The following TENM2 variants were observed in gnomAD, a reference collection of about 807,000 sequenced individuals.
TENM2 encodes the protein teneurin transmembrane protein 2, also known as teneurin-2.
Under a neutral mutation model 245.2 loss-of-function variants are expected in TENM2, and 52 were observed. The ratio of observed to expected loss-of-function variants is 0.21; its 90% CI spans 0.17 to 0.27. The LOEUF (loss-of-function observed/expected upper bound fraction) is 0.27. TENM2 is among the 10% of genes least tolerant of loss of function. The probability of loss-of-function intolerance (pLI) is 1.00; values close to 1 mark genes in which losing one functional copy is unlikely to be tolerated. For missense variants in TENM2, 3,046 were observed against 3,666.8 expected (o/e 0.83, Z 4.37); for synonymous variants, 1,363 against 1,438.9 (o/e 0.95, Z 1.19).
chr5:167,174,425 T>C, the TENM2 span, among the ~76,000 whole-genome samples: 15 of 152,190 alleles, frequency 9.9e-5, no homozygotes, highest in African/African-American at 3.6e-4. Flanking sequence ...TGTTTTGACA[T>C]AGTATTAGCC....
intron 9 of TENM2, among the ~76,000 whole-genome samples, chr5:168,108,614 A>C (rs1794435878): frequency 6.6e-6 from 1 of 152,212 alleles, no homozygotes; most frequent in Admixed American, 6.5e-5. Flanking sequence ...ACTTAGAGAA[A>C]GTAAGCTACT....
the TENM2 span, among the ~76,000 whole-genome samples, chr5:167,008,980 A>G: frequency 6.6e-6 from 1 of 152,256 alleles, no homozygotes; most frequent in Admixed American, 6.5e-5. Context: ...GAGACATGAG[A>G]GGCAGAAATG....
chr5:167,637,204 T>C (rs1182273917), intron 2 of TENM2, among the ~76,000 whole-genome samples: 1 of 152,234 alleles, frequency 6.6e-6, no homozygotes. Context: ...TGTTGCTATC[T>C]GTATTTTAAT....
At chr5:167,934,158 T>C (rs1015239986) in intron 3 of TENM2, among the ~76,000 whole-genome samples, 4 of 152,210 alleles carry the variant, frequency 2.6e-5, no homozygotes, top group Admixed American at 6.5e-5. Flanking sequence ...ACAGCTTTCT[T>C]TGGTTAGGTT....
At chr5:167,688,097 G>A (rs1223007272) in intron 2 of TENM2, among the ~76,000 whole-genome samples, 2 of 152,076 alleles carry the variant, frequency 1.3e-5, no homozygotes, top group African/African-American at 2.4e-5. Context: ...ACTGAGGGAG[G>A]GATCAGTCAA....
intron 1 of TENM2, among the ~76,000 whole-genome samples, chr5:167,321,785 AT>A (rs1314778203): frequency 1.3e-3 from 80 of 62,806 alleles, no homozygotes; most frequent in African/African-American, 2.8e-3. Flanking sequence ...GCCTTGGCTT[AT>A]TTTTTTTTTT....
At chr5:167,130,756 G>T in the TENM2 span, among the ~76,000 whole-genome samples, 1 of 152,192 alleles carries the variant, frequency 6.6e-6, no homozygotes, top group South Asian at 2.1e-4. Flanking sequence ...CCTCCTTGGG[G>T]TCTCACACAT....
the TENM2 span, among the ~76,000 whole-genome samples, chr5:166,988,805 G>T: frequency 6.6e-6 from 1 of 152,120 alleles, no homozygotes; most frequent in Non-Finnish European, 1.5e-5. Context: ...GTGGCTGCTT[G>T]CACAATGCCT....
chr5:167,683,180 G>A (rs1756848253), intron 2 of TENM2, among the ~76,000 whole-genome samples: 1 of 151,070 alleles, frequency 6.6e-6, no homozygotes, highest in African/African-American at 2.4e-5. Flanking sequence ...TATTAATTGT[G>A]TACATTTGTT....
Position 168,247,761 on chromosome 5 carries a change from G to T in TENM2, c.6822G>T (p.Gly2274=), listed in dbSNP as rs1187572051. The change falls in exon 27 of 29, where the codon GGG becomes GGT. Residue 2274 remains glycine (G), a synonymous_variant. Coordinates refer to ENST00000518659, the Ensembl canonical transcript of TENM2. The surrounding 1 kb of genome is among the most constrained non-coding windows in gnomAD (Gnocchi z 7.8). Reference sequence around the variant, plus strand: ...ACGATGGCTATCTGTGCCAGAGAGGGTCTGACATCTTCGAATACAATTCCA... The same window carrying T: ...ACGATGGCTATCTGTGCCAGAGAGGTTCTGACATCTTCGAATACAATTCCA... 3.1e-6 allele frequency: 5 copies of T among 1,613,934 alleles called. No individual in the cohort carries two copies. Among genetic ancestry groups the T allele is most frequent in the Middle Eastern group, 1.6e-4 (1 of 6,062 alleles).
At chr5:167,858,328 T>A (rs1316380408) in intron 2 of TENM2, among the ~76,000 whole-genome samples, 1 of 152,264 alleles carries the variant, frequency 6.6e-6, no homozygotes, top group Non-Finnish European at 1.5e-5. Context: ...TTTTTGCATG[T>A]GCAAACCAAT....
At chr5:167,774,210 GAGGGAGGA>G (rs1462400506) in intron 2 of TENM2, among the ~76,000 whole-genome samples, 2 of 77,394 alleles carry the variant, frequency 2.6e-5, no homozygotes, top group Admixed American at 1.3e-4. Context: ...GGAAGGGAGG[GAGGGAGGA>G]AGGAAGGAAG....
intron 2 of TENM2, among the ~76,000 whole-genome samples, chr5:167,685,226 A>G (rs1420429613): frequency 6.6e-6 from 1 of 152,232 alleles, no homozygotes; most frequent in Non-Finnish European, 1.5e-5. Flanking sequence ...AAATGAAATC[A>G]TCTGTGAACA....
intron 2 of TENM2, among the ~76,000 whole-genome samples, chr5:167,776,593 G>GAAAAAAAAAAAAAAAAAGAAAAAAA (rs1763799464): frequency 2.8e-5 from 1 of 36,020 alleles, no homozygotes; most frequent in African/African-American, 8.7e-5. Flanking sequence ...GACCCTGTCT[G>GAAAAAAAAAAAAAAAAAGAAAAAAA]AAAAAAAAAA....
At chr5:167,821,743 A>T (rs922075971) in intron 2 of TENM2, among the ~76,000 whole-genome samples, 2 of 152,072 alleles carry the variant, frequency 1.3e-5, no homozygotes, top group Non-Finnish European at 2.9e-5. Context: ...ATTACTAAGA[A>T]CTCTACAAGT....
chr5:167,828,870 G>A (rs1283848815), intron 2 of TENM2, among the ~76,000 whole-genome samples: 2 of 152,198 alleles, frequency 1.3e-5, no homozygotes, highest in Non-Finnish European at 2.9e-5. Context: ...TAAGAAATAG[G>A]AGAACATGAG....
chr5:167,504,228 T>G (rs1484915031), intron 2 of TENM2, among the ~76,000 whole-genome samples: 1 of 152,220 alleles, frequency 6.6e-6, no homozygotes, highest in Non-Finnish European at 1.5e-5. Flanking sequence ...GCATTATTCA[T>G]TATTTCTAAC....
At chr5:167,531,960 G>A (rs1209558927) in intron 2 of TENM2, among the ~76,000 whole-genome samples, 1 of 152,042 alleles carries the variant, frequency 6.6e-6, no homozygotes, top group Non-Finnish European at 1.5e-5. Context: ...TAGGTATAGT[G>A]GAAAAAGAGC....
chr5:168,146,559 G>T (rs1224217602), intron 12 of TENM2, among the ~76,000 whole-genome samples: 1 of 152,176 alleles, frequency 6.6e-6, no homozygotes, highest in Non-Finnish European at 1.5e-5. Context: ...AATTGATTTG[G>T]TGCATGTTTT....
Sources: allele counts gnomAD v4.1 joint callset (sites outside exome capture counted in the v4.1 genomes callset), GRCh38; gene constraint gnomAD v4.1.1; non-coding constraint Gnocchi (gnomAD v3.1); transcripts MANE v1.5; gene names NCBI Gene and HGNC (gene_info 2026-07-23, HGNC 2026-07-21).